POLH: variants seen among roughly 807,000 people sequenced by gnomAD.
The protein encoded by POLH is DNA polymerase eta.
In POLH, 53 loss-of-function variants were observed where a neutral mutation model predicts 73.6. The observed-to-expected ratio is 0.72, with a 90% confidence interval of 0.58 to 0.91. The LOEUF is 0.91. Ranked by LOEUF, POLH falls within the 40% of genes least tolerant of loss-of-function variation. POLH has a pLI of 0.00. For synonymous variants in POLH, 292 were observed against 308.5 expected (o/e 0.95, Z 0.56); for missense variants, 768 against 865.4 (o/e 0.89, Z 1.41).
chr6:43,593,110 C>T (rs942686738), intron 4 of POLH, among the ~76,000 whole-genome samples: 1 of 152,192 alleles, frequency 6.6e-6, no homozygotes, highest in Non-Finnish European at 1.5e-5. Flanking sequence ...GTGATCCTCC[C>T]ACTTGAGGCT....
At chr6:43,578,336 G>A in intron 1 of POLH, 3 of 386,714 alleles carry the variant, frequency 7.8e-6, no homozygotes, top group Middle Eastern at 3.7e-4. Context: ...GCAGTGAGCC[G>A]AGACTGTGCC....
intron 5 of POLH, among the ~76,000 whole-genome samples, chr6:43,600,344 G>C (rs567064744): frequency 1.8e-4 from 27 of 152,090 alleles, no homozygotes; most frequent in African/African-American, 6.5e-4. Flanking sequence ...TGTGAACCCG[G>C]TGCGGGGGCG....
In POLH at chr6:43,614,448, CTCA is replaced by C. The variant is rs868200662; in HGVS notation, c.2037_2039del (p.His679del). On this transcript the variant is annotated inframe_deletion, in exon 11 of 11. Coordinates refer to ENST00000372236, the MANE Select transcript of POLH (RefSeq NM_006502.3). ...AACCCCCAGGTTGTTTCTGCCGTAT[CTCA>C]TCAAGGCAAAAGAAATCCCAAGAGC... is the stretch of plus-strand genomic sequence containing the variant. 4.3e-6 allele frequency: 7 copies of C among 1,614,058 alleles called. No individual in the cohort carries two copies. The African/African-American group carries it at 9.3e-5, about 22-fold the overall frequency.
rs986070816 is a variant in POLH, at chr6:43,616,141, G to A, written c.*1584G>A. ...AAATACAAAAAAAAATTAGCCGGGT[G>A]CGGTGGCAGGCGCCTGTAGTCCCAG... On this transcript the variant is annotated 3_prime_UTR_variant, in exon 11 of 11. Coordinates refer to ENST00000372236, the MANE Select transcript of POLH (RefSeq NM_006502.3). Among the ~76,000 whole-genome samples the A allele has an allele frequency of 2.0e-5, 3 of 151,972 alleles. No homozygotes were observed. The highest frequency in any genetic ancestry group is 7.3e-5 in the African/African-American group (3 of 41,374).
intron 9 of POLH, among the ~76,000 whole-genome samples, chr6:43,608,526 CTT>C (rs1013503261): frequency 6.6e-6 from 1 of 152,050 alleles, no homozygotes; most frequent in East Asian, 1.9e-4. Context: ...TTTCTTTCCA[CTT>C]TTTTTTCCTA....
chr6:43,603,491 G>A (rs1766961414), intron 6 of POLH, among the ~76,000 whole-genome samples: 1 of 151,882 alleles, frequency 6.6e-6, no homozygotes, highest in South Asian at 2.1e-4. Context: ...CAAACTCCTG[G>A]ACTCAAGCAA....
Position 43,613,036 on chromosome 6 carries a change from G to C in POLH, c.1245-624G>C, listed in dbSNP as rs559494014. Among the ~76,000 whole-genome samples the C allele has an allele frequency of 5.9e-5, 9 of 152,122 alleles. No individual in the cohort carries two copies. In the East Asian group the frequency reaches 1.7e-3, roughly 29 times the overall value. ...GCTGGTCTCATACTCCTGACCTCAT[G>C]ACCCACCCGCCTTAGCCTCCCAAAG... On this transcript the variant is annotated intron_variant, in intron 10 of 10. Transcript: ENST00000372236.
At chr6:43,590,814 T>C (rs1340745486) in intron 4 of POLH, 2 of 151,464 alleles carry the variant, frequency 1.3e-5, no homozygotes, top group African/African-American at 4.9e-5. Flanking sequence ...TCCCAGCTAC[T>C]TGGGAGGCTG....
intron 1 of POLH, among the ~76,000 whole-genome samples, chr6:43,579,770 A>G (rs991084865): frequency 6.6e-6 from 1 of 152,208 alleles, no homozygotes; most frequent in Non-Finnish European, 1.5e-5. Context: ...AGATAATGTC[A>G]GACTCGAATT....
Position 43,613,761 on chromosome 6 carries a change from G to A in POLH, c.1346G>A (p.Ser449Asn). Residue 449 changes from serine (S) to asparagine (N), a missense_variant, in exon 11 of 11, where the codon AGT becomes AAT. By Grantham distance (46) the Ser-to-Asn change is conservative (BLOSUM62 1). Transcript: ENST00000372236. ...DITSFLSSDP[S>N]SLPKVPVTSS... Reference sequence around the variant, plus strand: ...ACCAGCTTCTTGAGCAGTGACCCAAGTTCTCTGCCAAAGGTGCCAGTTACC... The same window carrying A: ...ACCAGCTTCTTGAGCAGTGACCCAAATTCTCTGCCAAAGGTGCCAGTTACC... The A allele has an allele frequency of 1.2e-6, 2 of 1,613,792 alleles. No homozygotes were observed. The highest frequency in any genetic ancestry group is 1.7e-6 in the Non-Finnish European group (2 of 1,179,928).
intron 4 of POLH, among the ~76,000 whole-genome samples, chr6:43,594,187 A>G (rs1000500733): frequency 6.6e-6 from 1 of 152,200 alleles, no homozygotes; most frequent in African/African-American, 2.4e-5. Flanking sequence ...AAAAATCTAA[A>G]GCAGAGAAAA....
chr6:43,595,267 A>C (rs976090883), intron 4 of POLH, among the ~76,000 whole-genome samples: 8 of 151,088 alleles, frequency 5.3e-5, no homozygotes, highest in Middle Eastern at 3.4e-3. Flanking sequence ...AGTAGCTGGG[A>C]TTACAGGTGT....
At chr6:43,577,729 C>T (rs373813600) in intron 1 of POLH, among the ~76,000 whole-genome samples, 28 of 151,976 alleles carry the variant, frequency 1.8e-4, no homozygotes, top group South Asian at 1.2e-3. Context: ...GCTGGTGTTT[C>T]GATTGTCTTA....
Position 43,597,979 on chromosome 6 carries a change from T to G in POLH, c.660+114T>G, listed in dbSNP as rs757995181. On this transcript the variant is annotated intron_variant, in intron 5 of 10. Transcript: ENST00000372236. ...TAGGCCGGGTGCAGTTTCGCACGCCTATGTGAGTGGATCGCGTGAGCCCAG... is the reference window on the plus strand; with the variant it reads ...TAGGCCGGGTGCAGTTTCGCACGCCGATGTGAGTGGATCGCGTGAGCCCAG... 87 of 883,318 alleles carry G rather than the reference T, an allele frequency of 9.8e-5. 1 individual carries two copies. The highest frequency in any genetic ancestry group is 1.5e-4 in the Non-Finnish European group (81 of 536,272). 54.7% of individuals were successfully genotyped at this position (883,318 alleles called of 1,614,324 possible). A position where few individuals can be genotyped will look rare whatever the true frequency, so the allele number is the denominator to read the frequency against.
chr6:43,602,593 G>C (rs1200367188), intron 6 of POLH, among the ~76,000 whole-genome samples: 1 of 152,098 alleles, frequency 6.6e-6, no homozygotes, highest in African/African-American at 2.4e-5. Context: ...ACCATATTGA[G>C]GAGGATAATG....
chr6:43,602,966 C>G (rs973485007), intron 6 of POLH, among the ~76,000 whole-genome samples: 3 of 146,794 alleles, frequency 2.0e-5, no homozygotes, highest in African/African-American at 7.6e-5. Context: ...CTGTGCCCAG[C>G]TGACTGTTTA....
In POLH at chr6:43,610,635, GCCCTTA is replaced by G; in HGVS notation, c.1160_1165del (p.Leu387_Thr388del). ...CCTCAGCAGCCTGCGCCGCTGCTGT[GCCCTTA>G]CCCGCTATGATGCTCACAAGATGAG... On this transcript the variant is annotated inframe_deletion, in exon 10 of 11. Transcript: ENST00000372236. 1 of 1,613,828 alleles carries G rather than the reference GCCCTTA, an allele frequency of 6.2e-7. No homozygotes were observed. Among genetic ancestry groups the G allele is most frequent in the Non-Finnish European group, 8.5e-7 (1 of 1,179,880 alleles).
chr6:43,579,914 T>TAA (rs147153180), intron 1 of POLH, among the ~76,000 whole-genome samples: 2 of 137,382 alleles, frequency 1.5e-5, no homozygotes, highest in South Asian at 2.3e-4. Flanking sequence ...TTTTTTTTTT[T>TAA]AAATTTATTT....
chr6:43,594,406 G>A (rs1478692673), intron 4 of POLH, among the ~76,000 whole-genome samples: 1 of 152,178 alleles, frequency 6.6e-6, no homozygotes, highest in Non-Finnish European at 1.5e-5. Context: ...GCAAGCCACT[G>A]TGCTGAGGAA....
Sources: allele counts gnomAD v4.1 joint callset (sites outside exome capture counted in the v4.1 genomes callset), GRCh38; gene constraint gnomAD v4.1.1; transcripts MANE v1.5; gene names NCBI Gene and HGNC (gene_info 2026-07-23, HGNC 2026-07-21).